DOCK1: variants seen among roughly 807,000 people sequenced by gnomAD.
The protein encoded by DOCK1 is dedicator of cytokinesis 1, also known as dedicator of cytokinesis protein 1.
Under a neutral mutation model 262.7 loss-of-function variants are expected in DOCK1, and 138 were observed. That is an observed-to-expected ratio of 0.53 (90% CI 0.46 to 0.61). DOCK1 has a LOEUF of 0.61. Among genes scored for constraint, DOCK1 ranks in the 20% least tolerant of loss-of-function variants. The probability of loss-of-function intolerance (pLI) is 0.00; values close to 1 mark genes in which losing one functional copy is unlikely to be tolerated. For missense variants in DOCK1, 1,908 were observed against 2,370.7 expected (o/e 0.80, Z 4.05); for synonymous variants, 866 against 867.4 (o/e 1.00, Z 0.03).
chr10:127,449,996 C>T (rs1181405358), intron 51 of DOCK1, among the ~76,000 whole-genome samples: 1 of 152,160 alleles, frequency 6.6e-6, no homozygotes, highest in Non-Finnish European at 1.5e-5. Context: ...TGGTCCTTAC[C>T]TGCTCCTCAT....
Position 126,927,665 on chromosome 10 carries a change from G to C in DOCK1, c.46+22102G>C, listed in dbSNP as rs1458111921. ...TTGGTCGTGCTGGCCTCGAACTCCT[G>C]ACCTCAGGTGATCCGCCCACCTCGG... On this transcript the variant is annotated intron_variant, in intron 1 of 51. Coordinates refer to ENST00000623213, the MANE Select transcript of DOCK1 (RefSeq NM_001290223.2). Among the ~76,000 whole-genome samples, 2 of 152,148 alleles carry C rather than the reference G, an allele frequency of 1.3e-5. 1 individual carries two copies. The highest frequency in any genetic ancestry group is 2.9e-5 in the Non-Finnish European group (2 of 68,024).
intron 27 of DOCK1, among the ~76,000 whole-genome samples, chr10:127,165,958 C>T (rs2054033655): frequency 6.6e-6 from 1 of 152,182 alleles, no homozygotes; most frequent in Non-Finnish European, 1.5e-5. Context: ...TGAACCCTAC[C>T]AGGCCTGGGA....
chr10:127,373,591 T>C (rs1257497454), intron 33 of DOCK1, among the ~76,000 whole-genome samples, 190 bp from the exon 34 acceptor site: 2 of 151,644 alleles, frequency 1.3e-5, no homozygotes, highest in Admixed American at 6.6e-5. Flanking sequence ...AAATGAGAGG[T>C]CCCCCTATGG....
At chr10:127,404,521 C>A in intron 40 of DOCK1, 92 bp downstream of exon 40, 2 of 1,227,898 alleles carry the variant, frequency 1.6e-6, no homozygotes, top group Non-Finnish European at 2.3e-6. Context: ...AGTTTGCATC[C>A]GCGTGGGATC....
At chr10:127,358,301 C>T (rs2064243240) in intron 32 of DOCK1, among the ~76,000 whole-genome samples, 1 of 152,094 alleles carries the variant, frequency 6.6e-6, no homozygotes, top group South Asian at 2.1e-4. Context: ...CAAGGGCAAA[C>T]ATGGCACTGC....
At chr10:127,147,160 A>G (rs2051947612) in intron 27 of DOCK1, among the ~76,000 whole-genome samples, 1 of 152,192 alleles carries the variant, frequency 6.6e-6, no homozygotes, top group Non-Finnish European at 1.5e-5. Flanking sequence ...CATTTGGGGA[A>G]GGAACTTGCC....
intron 13 of DOCK1, among the ~76,000 whole-genome samples, chr10:127,019,555 TG>T (rs1296193650): frequency 1.3e-5 from 2 of 151,972 alleles, no homozygotes; most frequent in Non-Finnish European, 2.9e-5. Context: ...GAGACCACCC[TG>T]GGGAACATGG....
chr10:127,376,112 A>T (rs1235343694), intron 35 of DOCK1, among the ~76,000 whole-genome samples: 1 of 151,776 alleles, frequency 6.6e-6, no homozygotes, highest in East Asian at 1.9e-4. Context: ...CTGATACGGC[A>T]GAGGTTTTGA....
At chr10:127,125,751 T>C (rs1359200966) in intron 26 of DOCK1, 150 bp downstream of exon 26, 12 of 1,137,064 alleles carry the variant, frequency 1.1e-5, no homozygotes, top group Non-Finnish European at 1.3e-5. Context: ...CCTTAAATTA[T>C]TTTTATTTAT....
intron 19 of DOCK1, among the ~76,000 whole-genome samples, chr10:127,041,285 T>TG (rs1413026427): frequency 1.3e-5 from 2 of 152,050 alleles, no homozygotes; most frequent in African/African-American, 2.4e-5. Context: ...TTAGTAGAGA[T>TG]GGGGGTTTCT....
At chr10:127,205,142 A>G (rs2057656558) in intron 27 of DOCK1, among the ~76,000 whole-genome samples, 1 of 152,118 alleles carries the variant, frequency 6.6e-6, no homozygotes. Flanking sequence ...ATATTGTCAC[A>G]TGGAACTGCT....
At chr10:126,981,770 T>G in intron 3 of DOCK1, 148 bp from the exon 4 acceptor site, 1 of 725,464 alleles carries the variant, frequency 1.4e-6, no homozygotes, top group African/African-American at 1.8e-5. Flanking sequence ...CTTTTCTACT[T>G]CTTTGTGTTT....
intron 5 of DOCK1, 103 bp downstream of exon 5, chr10:126,987,720 G>A: frequency 9.4e-7 from 1 of 1,068,418 alleles, no homozygotes; most frequent in Non-Finnish European, 1.3e-6. Context: ...AAACTTAAAA[G>A]CAGAGCTTCC....
intron 6 of DOCK1, among the ~76,000 whole-genome samples, chr10:126,991,680 C>T (rs757587756): frequency 4.6e-5 from 7 of 152,112 alleles, no homozygotes; most frequent in Non-Finnish European, 1.0e-4. Flanking sequence ...TAGGCATGCA[C>T]CACCATGCCT....
At chr10:127,434,682 C>A (rs539976127) in intron 48 of DOCK1, among the ~76,000 whole-genome samples, 1 of 147,878 alleles carries the variant, frequency 6.8e-6, no homozygotes, top group East Asian at 2.0e-4. Flanking sequence ...GAGACGGAGT[C>A]TCCCTCTGTC....
chr10:126,991,457 A>G (rs2039778279), intron 6 of DOCK1, among the ~76,000 whole-genome samples: 1 of 151,994 alleles, frequency 6.6e-6, no homozygotes, highest in Non-Finnish European at 1.5e-5. Flanking sequence ...ATAGAATCCC[A>G]AGACCTACCC....
chr10:127,335,382 C>T (rs2063146050), intron 29 of DOCK1, among the ~76,000 whole-genome samples: 1 of 152,186 alleles, frequency 6.6e-6, no homozygotes, highest in Admixed American at 6.5e-5. Flanking sequence ...CCCCTCATTT[C>T]ATTTGGCAAG....
rs375926396 is a variant in DOCK1 at position 127,451,432 on chromosome 10, G to A, written c.*5G>A. 135 of 1,568,412 alleles carry A rather than the reference G, an allele frequency of 8.6e-5. No homozygotes were observed. In the African/African-American group the frequency reaches 9.5e-4, roughly 11 times the overall value. The stretch of plus-strand genomic sequence containing the variant: ...GACTCCGGGATCGTGCAGTGACGTC[G>A]CAAGCCTCTCTGGAAAGAGTGTGCT... On this transcript the variant is annotated 3_prime_UTR_variant, in exon 52 of 52. Coordinates refer to ENST00000623213, the MANE Select transcript of DOCK1 (RefSeq NM_001290223.2).
At chr10:127,106,200 C>A in intron 23 of DOCK1, 31 bp from the exon 24 acceptor site, 1 of 1,563,682 alleles carries the variant, frequency 6.4e-7, no homozygotes, top group Non-Finnish European at 8.7e-7. Flanking sequence ...AACCTGCATG[C>A]TGCTCAGCCT....
Sources: allele counts gnomAD v4.1 joint callset (sites outside exome capture counted in the v4.1 genomes callset), GRCh38; gene constraint gnomAD v4.1.1; transcripts MANE v1.5; gene names NCBI Gene and HGNC (gene_info 2026-07-23, HGNC 2026-07-21).